Variants in MAP4K3 observed in about 807,000 individuals in gnomAD.
The protein encoded by MAP4K3 is MAPK/ERK kinase kinase kinase 3.
Under a neutral mutation model 143.5 loss-of-function variants are expected in MAP4K3, and 94 were observed. The observed-to-expected ratio is 0.65, with a 90% CI of 0.55 to 0.78. MAP4K3 has a LOEUF of 0.78. Among genes scored for constraint, MAP4K3 ranks in the 30% least tolerant of loss-of-function variants. MAP4K3 has a pLI of 0.00. For missense variants in MAP4K3, 1,077 were observed against 1,068.1 expected (o/e 1.01, Z -0.12); for synonymous variants, 416 against 347.2 (o/e 1.20, Z -2.20).
chr2:39,354,081 T>G (rs1431938891), intron 3 of MAP4K3, among the ~76,000 whole-genome samples: 1 of 151,922 alleles, frequency 6.6e-6, no homozygotes, highest in Non-Finnish European at 1.5e-5. Flanking sequence ...CATAAATGAG[T>G]GGGGTTATCC....
chr2:39,298,668 A>G (rs1682384469), intron 16 of MAP4K3, among the ~76,000 whole-genome samples: 1 of 152,182 alleles, frequency 6.6e-6, no homozygotes, highest in African/African-American at 2.4e-5. Flanking sequence ...AACTGAAATA[A>G]TATTTTGAAA....
chr2:39,258,698 T>C, intron 29 of MAP4K3, 111 bp from the exon 30 acceptor site: 1 of 798,942 alleles, frequency 1.3e-6, no homozygotes, highest in Non-Finnish European at 2.2e-6. Flanking sequence ...GGATATGTCT[T>C]CTGTAATACA....
At chr2:39,292,718 G>A in intron 18 of MAP4K3, 55 bp downstream of exon 18, 1 of 1,406,030 alleles carries the variant, frequency 7.1e-7, no homozygotes, top group South Asian at 1.2e-5. Flanking sequence ...CCAGATTGAT[G>A]AAATCAGGTC....
chr2:39,333,884 C>G (rs1683767067), intron 6 of MAP4K3, among the ~76,000 whole-genome samples: 1 of 151,882 alleles, frequency 6.6e-6, no homozygotes, highest in Non-Finnish European at 1.5e-5. Flanking sequence ...AACACTATCA[C>G]CACACTATAA....
Position 39,325,993 on chromosome 2 carries a change from T to A in MAP4K3, c.663-32A>T, listed in dbSNP as rs374357460. Reference sequence around the variant, plus strand: ...AATCAACAAATCATTACACAGCATTTTAATATTTCACATTTTTATCTATTA... The same window carrying A: ...AATCAACAAATCATTACACAGCATTATAATATTTCACATTTTTATCTATTA... On this transcript the variant is annotated intron_variant, in intron 9 of 33. Transcript: ENST00000263881. 2.6e-6 allele frequency: 4 copies of A among 1,542,270 alleles called. No individual in the cohort carries two copies. In the African/African-American group the frequency reaches 5.5e-5, roughly 21 times the overall value.
At position 39,421,585 on chromosome 2, in the gene MAP4K3, G is replaced by A. The variant is rs139676537; in HGVS notation, c.96+15307C>T. On this transcript the variant is annotated intron_variant, in intron 1 of 33. Transcript: ENST00000263881. Reference sequence around the variant, plus strand: ...AAATGGAAATAACAATACCTACCTCGTAAGGTTGTGAAGAGAATTAAAATG... The same window carrying A: ...AAATGGAAATAACAATACCTACCTCATAAGGTTGTGAAGAGAATTAAAATG... Among the ~76,000 whole-genome samples the A allele has an allele frequency of 6.0e-3, 913 of 152,068 alleles. 9 individuals are homozygous for A. The highest frequency in any genetic ancestry group is 0.016 in the Admixed American group (250 of 15,284).
intron 2 of MAP4K3, among the ~76,000 whole-genome samples, chr2:39,376,689 G>A (rs1666227380): frequency 1.3e-5 from 2 of 152,164 alleles, no homozygotes; most frequent in South Asian, 2.1e-4. Context: ...TCACTCAGGA[G>A]TCATCTTAAT....
chr2:39,337,524 A>G lies in MAP4K3; in HGVS notation c.366+2T>C. The G allele has an allele frequency of 6.2e-7, 1 of 1,608,422 alleles. No homozygotes were observed. The highest frequency in any genetic ancestry group is 8.5e-7 in the Non-Finnish European group (1 of 1,175,544). On this transcript the variant is annotated splice_donor_variant, in intron 5 of 33. Coordinates refer to ENST00000263881, the MANE Select transcript of MAP4K3 (RefSeq NM_003618.4). LOFTEE classifies it high-confidence loss of function. Reference sequence around the variant, plus strand: ...TTATTTTTGAATTAGCACTTGATTTACCTGCAGTGTTTCTCTGCTAACATA... The same window carrying G: ...TTATTTTTGAATTAGCACTTGATTTGCCTGCAGTGTTTCTCTGCTAACATA...
chr2:39,388,331 A>C (rs936779052), intron 1 of MAP4K3, among the ~76,000 whole-genome samples: 2 of 152,258 alleles, frequency 1.3e-5, no homozygotes, highest in African/African-American at 4.8e-5. Context: ...AATATCTAGA[A>C]ATAGCAGACA....
chr2:39,388,633 C>G (rs1250205876), intron 1 of MAP4K3, among the ~76,000 whole-genome samples: 1 of 152,138 alleles, frequency 6.6e-6, no homozygotes, highest in Non-Finnish European at 1.5e-5. Flanking sequence ...GAAAAGGGCT[C>G]TATCCACAAC....
intron 16 of MAP4K3, among the ~76,000 whole-genome samples, chr2:39,297,915 A>G (rs1682348387): frequency 6.6e-6 from 1 of 152,234 alleles, no homozygotes; most frequent in Non-Finnish European, 1.5e-5. Context: ...CCTAGCCAAA[A>G]TAACTATACA....
intron 1 of MAP4K3, among the ~76,000 whole-genome samples, chr2:39,405,381 C>T (rs1168238431): frequency 6.6e-6 from 1 of 152,212 alleles, no homozygotes; most frequent in Non-Finnish European, 1.5e-5. Flanking sequence ...TTGTCCTTTA[C>T]TGCAGGTATG....
rs185352647 is a variant in MAP4K3, at chr2:39,345,865, T to C, written c.246-2413A>G. ...TGAACCCGGGAGGCGGAGCTTGCAG[T>C]GAGCAGAGATCGTTCCACTGCACTC... On this transcript the variant is annotated intron_variant, in intron 3 of 33. Coordinates refer to ENST00000263881, the MANE Select transcript of MAP4K3 (RefSeq NM_003618.4). Among the ~76,000 whole-genome samples, 1,241 of 130,212 alleles carry C rather than the reference T, an allele frequency of 9.5e-3. 28 individuals carry two copies. The South Asian group carries it at 0.11, about 11-fold the overall frequency. 85.4% of individuals were successfully genotyped at this position (130,212 alleles called of 152,430 possible).
At chr2:39,365,676 C>T (rs1437471287) in intron 2 of MAP4K3, among the ~76,000 whole-genome samples, 1 of 151,198 alleles carries the variant, frequency 6.6e-6, no homozygotes, top group Non-Finnish European at 1.5e-5. Flanking sequence ...GATCTCCTGA[C>T]CTCATGATCC....
At chr2:39,371,623 A>G (rs1011160830) in intron 2 of MAP4K3, among the ~76,000 whole-genome samples, 8 of 152,204 alleles carry the variant, frequency 5.3e-5, no homozygotes, top group African/African-American at 1.7e-4. Flanking sequence ...AGGCCCAATG[A>G]TCTGTTGCCT....
intron 1 of MAP4K3, among the ~76,000 whole-genome samples, chr2:39,389,599 AAAAG>A (rs531369423): frequency 4.2e-4 from 64 of 152,352 alleles, no homozygotes; most frequent in African/African-American, 1.3e-3. Flanking sequence ...TTTCAGAGAA[AAAAG>A]AAAGCCAGAA....
At chr2:39,328,647 C>G (rs1433956550) in intron 8 of MAP4K3, among the ~76,000 whole-genome samples, 1 of 152,156 alleles carries the variant, frequency 6.6e-6, no homozygotes, top group Non-Finnish European at 1.5e-5. Context: ...CTTACCACCA[C>G]AGCATACAAG....
At chr2:39,402,661 T>G (rs1021353491) in intron 1 of MAP4K3, among the ~76,000 whole-genome samples, 1 of 151,790 alleles carries the variant, frequency 6.6e-6, no homozygotes, top group African/African-American at 2.4e-5. Flanking sequence ...GTACCTCAAT[T>G]AAATAGAAAA....
In MAP4K3 at chr2:39,292,747, T is replaced by C. The variant is rs761649286; in HGVS notation, c.1271+26A>G. On this transcript the variant is annotated intron_variant, in intron 18 of 33. Coordinates refer to ENST00000263881, the MANE Select transcript of MAP4K3 (RefSeq NM_003618.4). ...TCAGGTCAAATGACACCTTTTCTTT[T>C]TACCAAAAACAGAGACAGAACTTAC... The C allele has an allele frequency of 3.7e-6, 6 of 1,604,694 alleles. No homozygotes were observed. In the African/African-American group the frequency reaches 6.7e-5, roughly 18 times the overall value.
Sources: gnomAD v4.1 joint callset for allele counts (sites outside exome capture counted in the v4.1 genomes callset) on GRCh38, gnomAD v4.1.1 for gene constraint, MANE v1.5 for transcripts, NCBI Gene and HGNC (gene_info 2026-07-23, HGNC 2026-07-21) for gene names.